Variants in NTM observed in about 807,000 individuals in gnomAD.
NTM encodes neurotrimin.
A neutral mutation model predicts 42.1 loss-of-function variants in NTM; 13 were observed. The observed-to-expected ratio is 0.31, with a 90% CI of 0.20 to 0.49. The LOEUF is 0.49. Ranked by LOEUF, NTM falls within the 20% of genes least tolerant of loss-of-function variation. NTM has a pLI of 0.99. For missense variants in NTM, 373 were observed against 452.8 expected (o/e 0.82, Z 1.60); for synonymous variants, 187 against 179.2 (o/e 1.04, Z -0.35).
At chr11:131,958,062 G>T (rs184818757) in intron 2 of NTM, among the ~76,000 whole-genome samples, 1 of 152,120 alleles carries the variant, frequency 6.6e-6, no homozygotes, top group Non-Finnish European at 1.5e-5. Context: ...TTTAAAGAGC[G>T]CCTAGATGCC....
At position 132,271,568 on chromosome 11, in the gene NTM, TC is replaced by T. The variant is rs527989329; in HGVS notation, c.527-36120del. Among the ~76,000 whole-genome samples, 21 of 152,252 alleles carry T rather than the reference TC, an allele frequency of 1.4e-4. No individual in the cohort carries two copies. The South Asian group carries it at 4.4e-3, about 32-fold the overall frequency. On this transcript the variant is annotated intron_variant, in intron 4 of 8. Coordinates refer to ENST00000683400, the MANE Select transcript of NTM (RefSeq NM_001352005.2). ...CTACACCAACACTTGTTATTATCCATCTTTTTTATTATAGCCATCCTAGTGG... is the reference window on the plus strand; with the variant it reads ...CTACACCAACACTTGTTATTATCCATTTTTTTATTATAGCCATCCTAGTGG...
intron 1 of NTM, among the ~76,000 whole-genome samples, chr11:131,434,096 C>A (rs1360379316): frequency 1.3e-5 from 2 of 152,158 alleles, no homozygotes; most frequent in African/African-American, 4.8e-5. Flanking sequence ...TGGTTTCCAG[C>A]TGCATCCATG....
rs557754027 is a variant in NTM, at chr11:132,053,416, T to C, written c.168-92866T>C. Among the ~76,000 whole-genome samples, 4 of 152,174 alleles carry C rather than the reference T, an allele frequency of 2.6e-5. No homozygotes were observed. In the South Asian group the frequency reaches 8.3e-4, roughly 31 times the overall value. Reference sequence around the variant, plus strand: ...TGGTCTTGTTAATTCTCACAGCTGCTCTTCTTACCTCACCAAGGCTAGGAG... The same window carrying C: ...TGGTCTTGTTAATTCTCACAGCTGCCCTTCTTACCTCACCAAGGCTAGGAG... On this transcript the variant is annotated intron_variant, in intron 2 of 8. Coordinates refer to ENST00000683400, the MANE Select transcript of NTM (RefSeq NM_001352005.2).
chr11:131,501,881 G>A (rs1468721116), intron 1 of NTM, among the ~76,000 whole-genome samples: 2 of 151,484 alleles, frequency 1.3e-5, no homozygotes, highest in Non-Finnish European at 2.9e-5. Flanking sequence ...GTGTGTGAGT[G>A]TGTGTGTGTG....
At chr11:131,587,738 A>G (rs987146789) in intron 1 of NTM, among the ~76,000 whole-genome samples, 12 of 152,214 alleles carry the variant, frequency 7.9e-5, no homozygotes, top group African/African-American at 2.4e-4. Context: ...CCAGGACTCT[A>G]TTCTTTCATG....
At chr11:132,298,055 C>T (rs539074469) in intron 4 of NTM, among the ~76,000 whole-genome samples, 2 of 152,302 alleles carry the variant, frequency 1.3e-5, no homozygotes, top group South Asian at 2.1e-4. Flanking sequence ...ATCCTGAGCA[C>T]AATGGTGTCA....
intron 1 of NTM, among the ~76,000 whole-genome samples, chr11:131,495,930 A>G (rs1013505578): frequency 1.3e-5 from 2 of 152,232 alleles, no homozygotes; most frequent in African/African-American, 4.8e-5. Context: ...GTGTCAGTTT[A>G]TCAAAAGGAT....
At chr11:131,531,613 G>A (rs1211225875) in intron 1 of NTM, among the ~76,000 whole-genome samples, 1 of 152,080 alleles carries the variant, frequency 6.6e-6, no homozygotes, top group African/African-American at 2.4e-5. Flanking sequence ...CTGTTCTCTT[G>A]GCATAGAACT....
chr11:131,382,221 C>A (rs534464209), intron 1 of NTM, among the ~76,000 whole-genome samples: 2 of 152,106 alleles, frequency 1.3e-5, no homozygotes, highest in African/African-American at 2.4e-5. Flanking sequence ...GCTTTTCGGA[C>A]TTTATTATTT....
intron 1 of NTM, among the ~76,000 whole-genome samples, chr11:131,776,881 C>A (rs572089326): frequency 2.6e-5 from 4 of 152,042 alleles, no homozygotes; most frequent in Non-Finnish European, 4.4e-5. Flanking sequence ...TTTTGTGTAC[C>A]AGCCTTGAAG....
chr11:132,079,837 A>G (rs771972149), intron 2 of NTM, among the ~76,000 whole-genome samples: 4 of 152,218 alleles, frequency 2.6e-5, no homozygotes, highest in Non-Finnish European at 4.4e-5. Context: ...TTGGGAAGCC[A>G]CATCACACCT....
Position 131,630,912 on chromosome 11 carries a change from A to G in NTM, c.82+260024A>G, listed in dbSNP as rs570049199. On this transcript the variant is annotated intron_variant, in intron 1 of 8. Transcript: ENST00000683400. ...TTTTGAATGGTGTCTTTGTGATATT[A>G]TTCTTGGATAAACTAACACTAAAAC... Among the ~76,000 whole-genome samples the G allele has an allele frequency of 2.0e-5, 3 of 152,300 alleles. No individual in the cohort carries two copies. The East Asian group carries it at 5.8e-4, about 29-fold the overall frequency.
At chr11:131,686,363 A>G (rs1220934023) in intron 1 of NTM, among the ~76,000 whole-genome samples, 2 of 152,278 alleles carry the variant, frequency 1.3e-5, no homozygotes, top group Non-Finnish European at 2.9e-5. Flanking sequence ...TATGTGTTAT[A>G]TACCATAATC....
At chr11:132,195,965 T>C (rs371297041) in intron 3 of NTM, among the ~76,000 whole-genome samples, 1 of 152,032 alleles carries the variant, frequency 6.6e-6, no homozygotes, top group Non-Finnish European at 1.5e-5. Context: ...TGAGACCTAA[T>C]TAAACTTCTG....
chr11:132,243,968 C>T (rs2090638726), intron 4 of NTM, among the ~76,000 whole-genome samples: 2 of 152,316 alleles, frequency 1.3e-5, no homozygotes, highest in Non-Finnish European at 2.9e-5. Context: ...TTTTTGTCTC[C>T]GCCGTCTGCC....
At chr11:132,327,980 A>G (rs550171902) in intron 7 of NTM, among the ~76,000 whole-genome samples, 1 of 152,110 alleles carries the variant, frequency 6.6e-6, no homozygotes, top group Non-Finnish European at 1.5e-5. Flanking sequence ...GACAAGCTTG[A>G]ATTTTCAGGG....
chr11:132,040,616 A>G (rs1292283691), intron 2 of NTM, among the ~76,000 whole-genome samples: 2 of 152,192 alleles, frequency 1.3e-5, no homozygotes, highest in Non-Finnish European at 2.9e-5. Flanking sequence ...CCTTCTCCTT[A>G]TGCTAAGGGG....
At chr11:132,064,345 A>G (rs1462305789) in intron 2 of NTM, among the ~76,000 whole-genome samples, 1 of 152,230 alleles carries the variant, frequency 6.6e-6, no homozygotes, top group Non-Finnish European at 1.5e-5. Flanking sequence ...GCAATTTAGC[A>G]AAGTTACATA....
At chr11:131,422,573 A>G (rs1450741237) in intron 1 of NTM, among the ~76,000 whole-genome samples, 4 of 152,252 alleles carry the variant, frequency 2.6e-5, no homozygotes, top group African/African-American at 7.2e-5. Flanking sequence ...ATTAACAAGC[A>G]TCTTTCAAAG....
Sources: allele counts gnomAD v4.1 joint callset (sites outside exome capture counted in the v4.1 genomes callset), GRCh38; gene constraint gnomAD v4.1.1; transcripts MANE v1.5; gene names NCBI Gene and HGNC (gene_info 2026-07-23, HGNC 2026-07-21).